The following XPR1 variants were observed in gnomAD, a reference collection of about 807,000 sequenced individuals.
XPR1 encodes xenotropic and polytropic retrovirus receptor 1, also known as solute carrier family 53 member 1.
XPR1 carries 28 observed loss-of-function variants against 87.5 expected under a neutral mutation model. The ratio of observed to expected loss-of-function variants is 0.32; its 90% CI spans 0.24 to 0.44. The LOEUF is 0.44. XPR1 is among the 20% of genes least tolerant of loss of function. The pLI, the probability that XPR1 is intolerant of heterozygous loss-of-function variation, is 1.00. For synonymous variants in XPR1, 300 were observed against 306.1 expected (o/e 0.98, Z 0.21); for missense variants, 559 against 862.3 (o/e 0.65, Z 4.41).
intron 8 of XPR1, 40 bp downstream of exon 8, chr1:180,824,983 G>A: frequency 6.3e-7 from 1 of 1,591,946 alleles, no homozygotes; most frequent in Non-Finnish European, 8.6e-7. Context: ...AATATAGTTT[G>A]CATTAGCTAT....
chr1:180,801,496 A>T (rs886982558), intron 3 of XPR1, among the ~76,000 whole-genome samples: 1 of 149,348 alleles, frequency 6.7e-6, no homozygotes, highest in African/African-American at 2.6e-5. Flanking sequence ...GAAGATATAA[A>T]TAGATTATAA....
chr1:180,843,909 G>A (rs1374168588), intron 11 of XPR1, among the ~76,000 whole-genome samples: 1 of 152,176 alleles, frequency 6.6e-6, no homozygotes, highest in Non-Finnish European at 1.5e-5. Context: ...GAGAGGATCT[G>A]TGGTGTTTAA....
chr1:180,834,481 A>T (rs1318203406), intron 9 of XPR1, among the ~76,000 whole-genome samples: 1 of 152,240 alleles, frequency 6.6e-6, no homozygotes, highest in Non-Finnish European at 1.5e-5. Flanking sequence ...CTTTAGGCTC[A>T]AATACTTGAA....
intron 2 of XPR1, among the ~76,000 whole-genome samples, chr1:180,704,814 G>GTTT (rs567903048): frequency 0.031 from 1,585 of 50,542 alleles, 5 homozygotes; most frequent in East Asian, 0.063. Flanking sequence ...ACTGTTGGTT[G>GTTT]TTTTTTTTTT....
chr1:180,879,479 C>T (rs1421823110), intron 13 of XPR1, among the ~76,000 whole-genome samples: 2 of 152,204 alleles, frequency 1.3e-5, no homozygotes, highest in Non-Finnish European at 2.9e-5. Context: ...TCTTAGCCCC[C>T]ACTGACCTTG....
At chr1:180,709,404 A>T (rs1032527216) in intron 2 of XPR1, among the ~76,000 whole-genome samples, 1 of 152,218 alleles carries the variant, frequency 6.6e-6, no homozygotes, top group Non-Finnish European at 1.5e-5. Flanking sequence ...GAACATATCC[A>T]TCACCCCCAA....
chr1:180,676,515 C>G (rs891125713), intron 1 of XPR1, among the ~76,000 whole-genome samples: 1 of 152,044 alleles, frequency 6.6e-6, no homozygotes, highest in African/African-American at 2.4e-5. Flanking sequence ...TTTTAGCAAT[C>G]TTTTGTTCAT....
At chr1:180,732,070 C>G (rs1430529410) in intron 2 of XPR1, among the ~76,000 whole-genome samples, 1 of 151,790 alleles carries the variant, frequency 6.6e-6, no homozygotes, top group Admixed American at 6.6e-5. Flanking sequence ...ACGTGTGCCT[C>G]TAATCCCAGC....
chr1:180,737,386 C>T (rs953896107), intron 2 of XPR1, among the ~76,000 whole-genome samples: 1 of 152,048 alleles, frequency 6.6e-6, no homozygotes, highest in Non-Finnish European at 1.5e-5. Flanking sequence ...TACTATTTTC[C>T]CTTCTTTATT....
intron 2 of XPR1, among the ~76,000 whole-genome samples, chr1:180,766,711 C>T (rs912001768): frequency 3.3e-5 from 5 of 152,038 alleles, no homozygotes; most frequent in African/African-American, 1.2e-4. Flanking sequence ...GAAATGATTT[C>T]AGGGAGAAAA....
chr1:180,741,417 C>T (rs987011362), intron 2 of XPR1, among the ~76,000 whole-genome samples: 1 of 152,000 alleles, frequency 6.6e-6, no homozygotes, highest in Non-Finnish European at 1.5e-5. Flanking sequence ...CCACACCCTT[C>T]GGCCTCCCAA....
At chr1:180,654,162 T>C (rs12072401) in intron 1 of XPR1, among the ~76,000 whole-genome samples, 2,160 of 152,240 alleles carry the variant, frequency 0.014, 39 homozygotes, top group African/African-American at 0.049. Context: ...TTAACTATTA[T>C]TAGTTTTACT....
chr1:180,766,949 A>G (rs1557998194), intron 2 of XPR1, among the ~76,000 whole-genome samples: 3 of 152,206 alleles, frequency 2.0e-5, no homozygotes, highest in Non-Finnish European at 2.9e-5. Context: ...TATGGTGACC[A>G]TAGTCATGAT....
At position 180,757,913 on chromosome 1, in the gene XPR1, A is replaced by G. The variant is rs547044514; in HGVS notation, c.122-29840A>G. 2.1e-5 allele frequency among the ~76,000 whole-genome samples: 3 copies of G among 144,452 alleles called. No individual in the cohort carries two copies. The East Asian group carries it at 6.1e-4, about 29-fold the overall frequency. The allele number at this position is 144,452 out of a possible 152,430, so 94.8% of individuals were successfully genotyped here. A position where few individuals can be genotyped will look rare whatever the true frequency, so the allele number is the denominator to read the frequency against. On this transcript the variant is annotated intron_variant, in intron 2 of 14. Transcript: ENST00000367590. ...AAAAAAAAAGCCTGTACATACCCCT[A>G]TGGGTTATAGTGATAAGAAAAAGAG...
At chr1:180,759,396 G>A (rs1647900311) in intron 2 of XPR1, among the ~76,000 whole-genome samples, 1 of 151,956 alleles carries the variant, frequency 6.6e-6, no homozygotes, top group South Asian at 2.1e-4. Context: ...AAAGAGAGAA[G>A]AATCAGATAG....
intron 1 of XPR1, among the ~76,000 whole-genome samples, chr1:180,655,762 T>TA (rs1243504956): frequency 2.6e-5 from 4 of 152,022 alleles, no homozygotes; most frequent in Non-Finnish European, 5.9e-5. Context: ...AGTTAATTTT[T>TA]AAAAAAAATT....
At chr1:180,709,212 G>A (rs1452154670) in intron 2 of XPR1, among the ~76,000 whole-genome samples, 2 of 152,088 alleles carry the variant, frequency 1.3e-5, no homozygotes, top group Admixed American at 6.5e-5. Flanking sequence ...CGCCGTGCCC[G>A]GCCATAAGCA....
At chr1:180,865,076 G>A (rs979573242) in intron 12 of XPR1, among the ~76,000 whole-genome samples, 1 of 152,126 alleles carries the variant, frequency 6.6e-6, no homozygotes, top group Non-Finnish European at 1.5e-5. Context: ...TTGGTAAGTA[G>A]GGAAGGCCAT....
chr1:180,705,265 A>C (rs962668846), intron 2 of XPR1, among the ~76,000 whole-genome samples: 1 of 152,158 alleles, frequency 6.6e-6, no homozygotes, highest in Admixed American at 6.5e-5. Flanking sequence ...CAGAGTGCCA[A>C]TTCGTGTTTC....
Sources: allele counts gnomAD v4.1 joint callset (sites outside exome capture counted in the v4.1 genomes callset), GRCh38; gene constraint gnomAD v4.1.1; transcripts MANE v1.5; gene names NCBI Gene and HGNC (gene_info 2026-07-23, HGNC 2026-07-21).